AS3MT: variants seen among roughly 807,000 people sequenced by gnomAD.
The protein encoded by AS3MT is S-adenosyl-L-methionine:arsenic(III) methyltransferase.
A neutral mutation model predicts 45.3 loss-of-function variants in AS3MT; 47 were observed. The observed-to-expected ratio is 1.04, with a 90% CI of 0.82 to 1.32. The LOEUF (loss-of-function observed/expected upper bound fraction) is 1.32, where lower values mean the gene tolerates loss of function less well. Ranked by LOEUF, AS3MT falls within the 40% of genes most tolerant of loss-of-function variation. The pLI, the probability that AS3MT is intolerant of heterozygous loss-of-function variation, is 0.00. For synonymous variants in AS3MT, 141 were observed against 152.8 expected, an observed-to-expected ratio of 0.92 and a Z score of 0.57; for missense variants, 396 against 451.1, an observed-to-expected ratio of 0.88 and a Z score of 1.11.
intron 10 of AS3MT, among the ~76,000 whole-genome samples, 169 bp from the exon 11 acceptor site, chr10:102,900,424 G>C (rs1343982018): frequency 1.3e-5 from 2 of 152,218 alleles, no homozygotes; most frequent in African/African-American, 4.8e-5. Context: ...GCTTCAGGAA[G>C]CAAGTGCCTT....
chr10:102,872,314 T>A (rs1354992938), intron 3 of AS3MT, 134 bp from the exon 4 acceptor site: 2 of 901,896 alleles, frequency 2.2e-6, no homozygotes, highest in East Asian at 2.6e-5. Context: ...ATCAGAAGTA[T>A]GAGTGAATGA....
In AS3MT at chr10:102,870,089, C is replaced by T. The variant is rs1205314068; in HGVS notation, c.48C>T (p.Tyr16=). 1 of 1,614,000 alleles carries T rather than the reference C, an allele frequency of 6.2e-7. No homozygotes were observed. The highest frequency in any genetic ancestry group is 8.5e-7 in the Non-Finnish European group (1 of 1,180,032). Residue 16 remains tyrosine, a synonymous_variant, in exon 3 of 11, where the codon TAC becomes TAT. Coordinates refer to ENST00000369880, the MANE Select transcript of AS3MT (RefSeq NM_020682.4). ...ACTGTGGGACGCTGGGTCAGACCTACTACGGGCAGGTGCTGAAGAGATCGG... is the reference window on the plus strand; with the variant it reads ...ACTGTGGGACGCTGGGTCAGACCTATTACGGGCAGGTGCTGAAGAGATCGG... The part of the protein sequence containing the change: ...DAEIQKDVQT[Y]YGQVLKRSAD...
At position 102,890,597 on chromosome 10, in the gene AS3MT, A is replaced by C. The variant is rs1845053459; in HGVS notation, c.939A>C (p.Ser313=). 1 of 1,612,496 alleles carries C rather than the reference A, an allele frequency of 6.2e-7. No homozygotes were observed. The highest frequency in any genetic ancestry group is 2.2e-5 in the East Asian group (1 of 44,714). The change falls in exon 10 of 11, where the codon TCA becomes TCC. Residue 313 remains serine, a synonymous_variant. Coordinates refer to ENST00000369880, the MANE Select transcript of AS3MT (RefSeq NM_020682.4). ...AAACAGCAGCTATCTTGAAGAATTC[A>C]AGATTTGCTCAAGATTTTCTGATCA... is the stretch of plus-strand genomic sequence containing the variant. The part of the protein sequence containing the change: ...DEETAAILKN[S]RFAQDFLIRP...
intron 9 of AS3MT, among the ~76,000 whole-genome samples, chr10:102,885,751 G>C (rs1353544006): frequency 2.0e-5 from 2 of 101,496 alleles, no homozygotes; most frequent in African/African-American, 7.1e-5. Context: ...GGATGGTCTC[G>C]ATCTCCTGAC....
At chr10:102,895,389 C>T (rs1315739658) in intron 10 of AS3MT, among the ~76,000 whole-genome samples, 2 of 151,854 alleles carry the variant, frequency 1.3e-5, no homozygotes, top group Middle Eastern at 3.4e-3. Context: ...TTAGTAGAGG[C>T]GGGGTCTCAT....
At chr10:102,873,421 T>C (rs1029688238) in intron 5 of AS3MT, among the ~76,000 whole-genome samples, 188 bp downstream of exon 5, 2 of 152,214 alleles carry the variant, frequency 1.3e-5, no homozygotes, top group Non-Finnish European at 2.9e-5. Flanking sequence ...GCTGGGATTA[T>C]AGGCACACGC....
At chr10:102,878,596 T>A in intron 8 of AS3MT, 86 bp downstream of exon 8, 1 of 1,522,198 alleles carries the variant, frequency 6.6e-7, no homozygotes, top group Non-Finnish European at 9.0e-7. Flanking sequence ...TCTGAAGGAG[T>A]CTCATTGAGG....
At position 102,888,879 on chromosome 10, in the gene AS3MT, A is replaced by ATTTTTTTT. The variant is rs1476114789; in HGVS notation, c.886-1664_886-1663insTTTTTTTT. ...TATATATATATATATATATATATATATATTTTTTTTTTTTTTTTTGAGACG... is the reference window on the plus strand; with the variant it reads ...TATATATATATATATATATATATATATTTTTTTTTATTTTTTTTTTTTTTTTTGAGACG... On this transcript the variant is annotated intron_variant, in intron 9 of 10. Transcript: ENST00000369880. 5.0e-3 allele frequency among the ~76,000 whole-genome samples: 227 copies of ATTTTTTTT among 45,172 alleles called. 1 individual carries two copies. Among genetic ancestry groups the ATTTTTTTT allele is most frequent in the Non-Finnish European group, 7.4e-3 (165 of 22,424 alleles). 29.6% of individuals were successfully genotyped at this position (45,172 alleles called of 152,430 possible).
chr10:102,878,046 C>T (rs546241424), intron 7 of AS3MT, among the ~76,000 whole-genome samples: 7 of 152,096 alleles, frequency 4.6e-5, no homozygotes, highest in South Asian at 2.1e-4. Flanking sequence ...CCACCGCGCT[C>T]GGCCTATGAT....
chr10:102,873,325 G>T, intron 5 of AS3MT, 92 bp downstream of exon 5: 1 of 1,060,082 alleles, frequency 9.4e-7, no homozygotes, highest in Non-Finnish European at 1.2e-6. Context: ...CTGTCACCCA[G>T]GCCAGAGTGC....
In AS3MT at chr10:102,878,443, C is replaced by T. The variant is rs1475116398; in HGVS notation, c.675C>T (p.Phe225=). Residue 225 remains phenylalanine, a synonymous_variant, in exon 8 of 11, where the codon TTC becomes TTT. Coordinates refer to ENST00000369880, the MANE Select transcript of AS3MT (RefSeq NM_020682.4). ...CTGTCCTTGCTCAAAAAATTGGGTT[C>T]TGCCCTCCACGTTTGGTCACTGCCA... The part of the protein sequence containing the change: ...ELAVLAQKIG[F]CPPRLVTANL... The T allele has an allele frequency of 6.2e-7, 1 of 1,614,088 alleles. No individual in the cohort carries two copies. Among genetic ancestry groups the T allele is most frequent in the South Asian group, 1.1e-5 (1 of 91,070 alleles).
rs1845254932 is a variant in AS3MT at position 102,900,627 on chromosome 10, A to G, written c.1055A>G (p.Glu352Gly). 1 of 1,614,032 alleles carries G rather than the reference A, an allele frequency of 6.2e-7. No homozygotes were observed. The highest frequency in any genetic ancestry group is 1.1e-5 in the South Asian group (1 of 91,086). Residue 352 changes from glutamate (E) to glycine (G), a missense_variant, in exon 11 of 11, where the codon GAG (glutamate) becomes GGG (glycine). By Grantham distance (98) the Glu-to-Gly change is moderately conservative. Coordinates refer to ENST00000369880, the MANE Select transcript of AS3MT (RefSeq NM_020682.4). Reference protein sequence around the residue: ...IITDPFKLAEESDSMKSRCVP... With the variant: ...IITDPFKLAEGSDSMKSRCVP... ...ACAGATCCATTTAAGCTTGCAGAAGAGTCTGACAGTATGAAGTCCAGATGT... is the reference window on the plus strand; with the variant it reads ...ACAGATCCATTTAAGCTTGCAGAAGGGTCTGACAGTATGAAGTCCAGATGT...
chr10:102,875,528 G>A (rs1844771419), intron 6 of AS3MT, among the ~76,000 whole-genome samples: 1 of 149,374 alleles, frequency 6.7e-6, no homozygotes, highest in African/African-American at 2.5e-5. Context: ...GTACATGCCT[G>A]TACTCCCAGC....
chr10:102,872,530 T>G lies in AS3MT; in HGVS notation c.253T>G (p.Cys85Gly). The change falls in exon 4 of 11, where the codon TGC becomes GGC. Residue 85 changes from cysteine (C) to glycine (G), a missense_variant. Transcript: ENST00000369880. The stretch of plus-strand genomic sequence containing the variant: ...TCTGGGTAGTGGAAGTGGCAGAGAT[T>G]GCTATGTACTTAGCCAGCTGGTTGG... Reference protein sequence around the residue: ...LDLGSGSGRDCYVLSQLVGEK... With the variant: ...LDLGSGSGRDGYVLSQLVGEK... 6.2e-7 allele frequency: 1 copy of G among 1,614,040 alleles called. No individual in the cohort carries two copies. The highest frequency in any genetic ancestry group is 8.5e-7 in the Non-Finnish European group (1 of 1,179,958).
intron 9 of AS3MT, chr10:102,888,190 C>T (rs1400625614): frequency 6.6e-6 from 1 of 152,438 alleles, no homozygotes; most frequent in Non-Finnish European, 1.5e-5. Flanking sequence ...CTTTTTTTGC[C>T]TCTCTTTGCC....
chr10:102,871,741 C>CAAAACAA (rs1844692319), intron 3 of AS3MT, among the ~76,000 whole-genome samples: 1 of 150,224 alleles, frequency 6.7e-6, no homozygotes, highest in African/African-American at 2.4e-5. Context: ...CAAAACAAAA[C>CAAAACAA]AAAACAAAAC....
intron 10 of AS3MT, among the ~76,000 whole-genome samples, chr10:102,895,557 C>T (rs1437224329): frequency 3.9e-5 from 6 of 152,078 alleles, no homozygotes; most frequent in Admixed American, 2.6e-4. Context: ...GCCCCCAAAA[C>T]GTAAACTAAT....
In AS3MT at chr10:102,892,492, G is replaced by C. The variant is rs548279776; in HGVS notation, c.1020+1814G>C. ...ATGCATAAACAGCTGGTAAAATAAG[G>C]GACTCTGCCTCCTGGGTTATTATGT... On this transcript the variant is annotated intron_variant, in intron 10 of 10. Transcript: ENST00000369880. Among the ~76,000 whole-genome samples, 30 of 152,078 alleles carry C rather than the reference G, an allele frequency of 2.0e-4. No individual in the cohort carries two copies. In the South Asian group the frequency reaches 6.2e-3, roughly 32 times the overall value.
chr10:102,892,807 C>G (rs968557005), intron 10 of AS3MT, among the ~76,000 whole-genome samples: 3 of 151,950 alleles, frequency 2.0e-5, no homozygotes, highest in Non-Finnish European at 4.4e-5. Context: ...GACACCCCAT[C>G]TCTACTAAAA....
Sources: gnomAD v4.1 joint callset for allele counts (sites outside exome capture counted in the v4.1 genomes callset) on GRCh38, gnomAD v4.1.1 for gene constraint, MANE v1.5 for transcripts, NCBI Gene and HGNC (gene_info 2026-07-23, HGNC 2026-07-21) for gene names.